Variants in MYH15 observed in about 807,000 individuals in gnomAD.
MYH15 encodes the protein myosin-15.
In MYH15, 227 loss-of-function variants were observed where a neutral mutation model predicts 240.5. The ratio of observed to expected loss-of-function variants is 0.94; its 90% CI spans 0.85 to 1.05. The LOEUF (loss-of-function observed/expected upper bound fraction) is 1.05. Among genes scored for constraint, MYH15 ranks in the 50% least tolerant of loss-of-function variants. The probability of loss-of-function intolerance (pLI) is 0.00; values close to 1 mark genes in which losing one functional copy is unlikely to be tolerated. For missense variants in MYH15, 2,217 were observed against 2,247.5 expected, an observed-to-expected ratio of 0.99 and a Z score of 0.27; for synonymous variants, 785 against 796.7, an observed-to-expected ratio of 0.99 and a Z score of 0.25.
rs370569963 is a variant in MYH15 at position 108,410,796 on chromosome 3, G to A, written c.4282C>T (p.Arg1428Cys). ...GDALSDLGKV[R>C]SAAARLDQKQ... ...TGGTCCAGCCTGGCTGCTGCAGAGC[G>A]GACCTTCCCGAGGTCAGACAGGGCG... Residue 1428 changes from arginine to cysteine, a missense_variant, in exon 31 of 41, where the codon CGC becomes TGC. Arg to Cys is a radical substitution (Grantham distance 180). Transcript: ENST00000693548. The A allele has an allele frequency of 1.8e-5, 29 of 1,613,970 alleles. 1 individual carries two copies. The highest frequency in any genetic ancestry group is 1.3e-4 in the Admixed American group (8 of 60,010).
chr3:108,408,159 C>A, intron 32 of MYH15, 121 bp downstream of exon 32: 7 of 1,126,184 alleles, frequency 6.2e-6, no homozygotes, highest in Non-Finnish European at 8.8e-6. Context: ...TGGCAGAGTG[C>A]CTAGCATATA....
chr3:108,528,368 T>C (rs1203495315), intron 1 of MYH15, among the ~76,000 whole-genome samples: 3 of 152,166 alleles, frequency 2.0e-5, no homozygotes, highest in African/African-American at 4.8e-5. Flanking sequence ...GGAAGACTAA[T>C]AGGCAGCATA....
At chr3:108,414,676 A>C (rs892350766) in intron 29 of MYH15, among the ~76,000 whole-genome samples, 3 of 152,196 alleles carry the variant, frequency 2.0e-5, no homozygotes, top group African/African-American at 7.2e-5. Context: ...GGCTCTGTGG[A>C]CTTAGACAGG....
chr3:108,426,408 C>G (rs1238059484), intron 27 of MYH15, among the ~76,000 whole-genome samples: 2 of 152,210 alleles, frequency 1.3e-5, no homozygotes, highest in East Asian at 3.9e-4. Context: ...AGAGGATTCC[C>G]TTGAGACCTC....
intron 27 of MYH15, 30 bp downstream of exon 27, chr3:108,428,462 A>G (rs1224616100): frequency 1.3e-6 from 2 of 1,571,044 alleles, no homozygotes. Context: ...CATGTTCAGA[A>G]GACCACGAGG....
At chr3:108,403,414 C>A (rs1273306226) in intron 33 of MYH15, among the ~76,000 whole-genome samples, 5 of 151,980 alleles carry the variant, frequency 3.3e-5, no homozygotes. Flanking sequence ...GGACCTTGAA[C>A]CTGATCTTGC....
intron 1 of MYH15, among the ~76,000 whole-genome samples, chr3:108,525,696 C>T (rs2083661169): frequency 6.6e-6 from 1 of 151,950 alleles, no homozygotes; most frequent in Non-Finnish European, 1.5e-5. Flanking sequence ...AATAAGATTA[C>T]ACATTGAAAA....
chr3:108,492,509 C>T lies in MYH15; in HGVS notation c.862G>A (p.Glu288Lys). ...AGAATCCTACACTTACCATGAAGCT[C>T]TTTTTGTCCAGATAGAATTTGATAG... The part of the protein sequence containing the change: ...IFYQILSGQK[E>K]LHDLLLVSAN... The change falls in exon 9 of 41, where the codon GAG (glutamate) becomes AAG (lysine). Residue 288 changes from glutamate to lysine, a missense_variant. Coordinates refer to ENST00000693548, the MANE Select transcript of MYH15 (RefSeq NM_014981.3). 6.2e-7 allele frequency: 1 copy of T among 1,610,860 alleles called. No individual in the cohort carries two copies. The highest frequency in any genetic ancestry group is 8.5e-7 in the Non-Finnish European group (1 of 1,177,386).
chr3:108,398,366 GCT>G (rs2082478039), intron 35 of MYH15, among the ~76,000 whole-genome samples: 1 of 152,226 alleles, frequency 6.6e-6, no homozygotes, highest in Non-Finnish European at 1.5e-5. Flanking sequence ...GCATGGCCCA[GCT>G]GACACTTTGA....
intron 11 of MYH15, among the ~76,000 whole-genome samples, chr3:108,484,832 A>C (rs1238890489): frequency 6.6e-6 from 1 of 152,174 alleles, no homozygotes; most frequent in Non-Finnish European, 1.5e-5. Flanking sequence ...CTAAAGGCAT[A>C]CTGTGTCTTA....
chr3:108,451,989 C>CAAAA (rs5851594), intron 21 of MYH15, among the ~76,000 whole-genome samples: 4 of 139,248 alleles, frequency 2.9e-5, no homozygotes, highest in African/African-American at 5.3e-5. Flanking sequence ...GTCATTTCTA[C>CAAAA]AAAAAAAAAA....
chr3:108,496,801 CA>C (rs71673665), intron 6 of MYH15, among the ~76,000 whole-genome samples: 6,164 of 122,874 alleles, frequency 0.05, 378 homozygotes, highest in African/African-American at 0.17. Context: ...TAATGCGCAC[CA>C]AAAAAAAAAA....
rs774198474 is a variant in MYH15 at position 108,456,825 on chromosome 3, C to G, written c.2079G>C (p.Gly693=). ...QQLRCNGVLE[G]TRICREGFPN... ...GAAAACCTTCACGGCATATCCTAGT[C>G]CCTTCCAAGACACCATTACAGCGCA... The change falls in exon 19 of 41, where the codon GGG becomes GGC. Residue 693 remains glycine, a synonymous_variant. Coordinates refer to ENST00000693548, the MANE Select transcript of MYH15 (RefSeq NM_014981.3). 2.5e-6 allele frequency: 4 copies of G among 1,613,682 alleles called. No individual in the cohort carries two copies. In the Admixed American group the frequency reaches 6.7e-5, roughly 27 times the overall value.
chr3:108,444,085 C>G (rs1316219434), intron 22 of MYH15, among the ~76,000 whole-genome samples: 1 of 149,846 alleles, frequency 6.7e-6, no homozygotes, highest in Admixed American at 6.6e-5. Flanking sequence ...CAGCATGGCA[C>G]GTGTATACAT....
At chr3:108,432,648 G>T (rs981909084) in intron 25 of MYH15, among the ~76,000 whole-genome samples, 2 of 152,156 alleles carry the variant, frequency 1.3e-5, no homozygotes, top group Non-Finnish European at 2.9e-5. Context: ...TGCAGCCTAG[G>T]GACTTGGTGC....
chr3:108,550,022 T>C, the MYH15 span: 1 of 152,120 alleles, frequency 6.6e-6, no homozygotes, highest in East Asian at 1.9e-4. Context: ...TAATATTTTT[T>C]AAAAAATTTC....
At chr3:108,484,168 T>C (rs11716135) in intron 11 of MYH15, among the ~76,000 whole-genome samples, 112,480 of 152,130 alleles carry the variant, frequency 0.74, 43,645 homozygotes, top group Non-Finnish European at 0.83. Flanking sequence ...TCTCTTTTTG[T>C]TTCGGTTGTA....
chr3:108,390,018 C>T (rs547709260), intron 37 of MYH15, among the ~76,000 whole-genome samples: 7 of 152,178 alleles, frequency 4.6e-5, no homozygotes, highest in Non-Finnish European at 1.0e-4. Flanking sequence ...AAGTGTGAGA[C>T]TTCCTTGTGG....
At chr3:108,495,980 A>G in intron 6 of MYH15, 108 bp from the exon 7 acceptor site, 1 of 735,556 alleles carries the variant, frequency 1.4e-6, no homozygotes, top group South Asian at 2.3e-5. Flanking sequence ...TTGATAACCA[A>G]TGGCCAAAAG....
Sources: allele counts gnomAD v4.1 joint callset (sites outside exome capture counted in the v4.1 genomes callset), GRCh38; gene constraint gnomAD v4.1.1; transcripts MANE v1.5; gene names NCBI Gene and HGNC (gene_info 2026-07-23, HGNC 2026-07-21).